Variants in TBC1D32 observed in about 807,000 individuals in gnomAD.
TBC1D32 encodes TBC1 domain family member 32.
In TBC1D32, 151 loss-of-function variants were observed where a neutral mutation model predicts 170.3. That is an observed-to-expected ratio of 0.89 (90% CI 0.78 to 1.01). The LOEUF (loss-of-function observed/expected upper bound fraction) is 1.01, where lower values mean the gene tolerates loss of function less well. Among genes scored for constraint, TBC1D32 ranks in the 50% least tolerant of loss-of-function variants. The pLI is 0.00. For synonymous variants in TBC1D32, 498 were observed against 488.0 expected, an observed-to-expected ratio of 1.02 and a Z score of -0.27; for missense variants, 1,464 against 1,457.1, an observed-to-expected ratio of 1.00 and a Z score of -0.08.
At chr6:121,315,912 C>T (rs1034727699) in intron 3 of TBC1D32, among the ~76,000 whole-genome samples, 1 of 152,034 alleles carries the variant, frequency 6.6e-6, no homozygotes, top group African/African-American at 2.4e-5. Context: ...CCAGGGATAC[C>T]ATGCCTTCTT....
At chr6:121,206,281 T>C (rs564414026) in intron 21 of TBC1D32, among the ~76,000 whole-genome samples, 4 of 152,160 alleles carry the variant, frequency 2.6e-5, no homozygotes, top group African/African-American at 4.8e-5. Context: ...ATCTTTGGGT[T>C]CAGGCCTAAG....
At chr6:121,191,208 C>T (rs1348505475) in intron 22 of TBC1D32, among the ~76,000 whole-genome samples, 2 of 152,040 alleles carry the variant, frequency 1.3e-5, no homozygotes, top group East Asian at 3.9e-4. Context: ...GCATGCACAC[C>T]CATGTGCACA....
intron 16 of TBC1D32, among the ~76,000 whole-genome samples, chr6:121,255,764 A>G (rs1323738070): frequency 1.3e-5 from 2 of 152,092 alleles, no homozygotes; most frequent in Admixed American, 6.6e-5. Flanking sequence ...ACAAAAACCC[A>G]GCTGTCTCTA....
intron 11 of TBC1D32, 90 bp downstream of exon 11, chr6:121,294,480 A>T: frequency 1.1e-6 from 1 of 891,948 alleles, no homozygotes; most frequent in East Asian, 2.7e-5. Flanking sequence ...CATACTAACA[A>T]TCATTAAAAA....
intron 29 of TBC1D32, among the ~76,000 whole-genome samples, chr6:121,108,061 C>T (rs1386327284): frequency 2.6e-5 from 4 of 151,922 alleles, no homozygotes; most frequent in Non-Finnish European, 5.9e-5. Flanking sequence ...TGACTGAATG[C>T]CAAGAAGAAA....
intron 22 of TBC1D32, among the ~76,000 whole-genome samples, chr6:121,187,894 C>T (rs760751540): frequency 2.6e-5 from 4 of 152,062 alleles, no homozygotes; most frequent in Non-Finnish European, 5.9e-5. Flanking sequence ...ATTGTCCCTG[C>T]CCTCAAGAAT....
chr6:121,254,439 AATG>A (rs1187787416), intron 17 of TBC1D32, among the ~76,000 whole-genome samples: 1 of 152,178 alleles, frequency 6.6e-6, no homozygotes, highest in Non-Finnish European at 1.5e-5. Flanking sequence ...ATTATTAAAA[AATG>A]AGATCTAAAA....
chr6:121,311,168 C>T (rs1808135039), intron 3 of TBC1D32, among the ~76,000 whole-genome samples: 1 of 152,082 alleles, frequency 6.6e-6, no homozygotes, highest in Non-Finnish European at 1.5e-5. Context: ...ATGAAACAGA[C>T]ATAAACAAAA....
chr6:121,307,979 A>T lies in TBC1D32; in HGVS notation c.687T>A (p.Phe229Leu). Residue 229 changes from phenylalanine (F) to leucine (L), a missense_variant, in exon 5 of 32, where the codon TTT becomes TTA. By Grantham distance (22) the Phe-to-Leu change is conservative. Transcript: ENST00000398212. ...ATTTCTATAACCATTTTCTTACACT[A>T]AACACAGGATCAGGATCTGAAAGAG... ...TVSLSDPDPV[F>L]SDRILKFCAQ... 1.2e-6 allele frequency: 2 copies of T among 1,612,252 alleles called. No individual in the cohort carries two copies.
chr6:121,188,601 A>G (rs1288866054), intron 22 of TBC1D32, among the ~76,000 whole-genome samples: 2 of 152,108 alleles, frequency 1.3e-5, no homozygotes, highest in African/African-American at 4.8e-5. Context: ...TGTTATTTTT[A>G]AAACCTGGAG....
chr6:121,305,712 A>G (rs1807227863), intron 5 of TBC1D32, among the ~76,000 whole-genome samples: 1 of 152,104 alleles, frequency 6.6e-6, no homozygotes, highest in Admixed American at 6.5e-5. Context: ...GGTATCTGTC[A>G]TACTTTTCAA....
intron 15 of TBC1D32, among the ~76,000 whole-genome samples, chr6:121,267,812 G>C (rs1252048903): frequency 6.6e-6 from 1 of 152,128 alleles, no homozygotes; most frequent in African/African-American, 2.4e-5. Flanking sequence ...CCCTCCTCAA[G>C]TGGGTCCCTG....
chr6:121,200,075 C>A (rs1791336373), intron 22 of TBC1D32, among the ~76,000 whole-genome samples: 1 of 151,002 alleles, frequency 6.6e-6, no homozygotes, highest in African/African-American at 2.5e-5. Context: ...ATTTTAAAGG[C>A]TGTTCTGTAA....
chr6:121,096,494 G>A (rs1293256426), intron 30 of TBC1D32, among the ~76,000 whole-genome samples: 1 of 152,124 alleles, frequency 6.6e-6, no homozygotes. Context: ...TACAAGGGAT[G>A]TGAAGGACCT....
At chr6:121,322,970 G>A (rs770348533) in intron 1 of TBC1D32, among the ~76,000 whole-genome samples, 26 of 150,854 alleles carry the variant, frequency 1.7e-4, no homozygotes, top group Non-Finnish European at 3.2e-4. Context: ...CCTATAATTC[G>A]CCTATAAGAA....
chr6:121,148,430 G>A (rs1346566779), intron 24 of TBC1D32, among the ~76,000 whole-genome samples: 3 of 152,082 alleles, frequency 2.0e-5, no homozygotes, highest in Non-Finnish European at 2.9e-5. Flanking sequence ...ATTGTGAACA[G>A]TGCTGCAATA....
intron 26 of TBC1D32, among the ~76,000 whole-genome samples, chr6:121,120,887 T>A (rs2082134802): frequency 6.6e-6 from 1 of 151,954 alleles, no homozygotes; most frequent in South Asian, 2.1e-4. Context: ...TTAAGTCTCT[T>A]TTACCCCTTT....
intron 15 of TBC1D32, among the ~76,000 whole-genome samples, chr6:121,265,848 T>G (rs1166971397): frequency 1.3e-5 from 2 of 152,152 alleles, no homozygotes; most frequent in Non-Finnish European, 2.9e-5. Context: ...TAATAAATGG[T>G]GGTGGGAAAA....
chr6:121,200,570 C>A (rs1791409700), intron 22 of TBC1D32, among the ~76,000 whole-genome samples: 1 of 151,472 alleles, frequency 6.6e-6, no homozygotes, highest in South Asian at 2.1e-4. Flanking sequence ...TAAATGCTAA[C>A]CAAATAACTC....
Sources: allele counts gnomAD v4.1 joint callset (sites outside exome capture counted in the v4.1 genomes callset), GRCh38; gene constraint gnomAD v4.1.1; transcripts MANE v1.5; gene names NCBI Gene and HGNC (gene_info 2026-07-23, HGNC 2026-07-21).